The following CTNNA2 variants were observed in gnomAD, a reference collection of about 807,000 sequenced individuals.
CTNNA2 encodes catenin alpha-2.
In CTNNA2, 42 loss-of-function variants were observed where a neutral mutation model predicts 101.0. The observed-to-expected ratio is 0.42, with a 90% confidence interval of 0.32 to 0.54. The LOEUF (loss-of-function observed/expected upper bound fraction) is 0.54, where lower values mean the gene tolerates loss of function less well. CTNNA2 is among the 20% of genes least tolerant of loss of function. The probability of loss-of-function intolerance (pLI) is 0.14; values close to 1 mark genes in which losing one functional copy is unlikely to be tolerated. For synonymous variants in CTNNA2, 450 were observed against 456.4 expected, an observed-to-expected ratio of 0.99 and a Z score of 0.18; for missense variants, 871 against 1,223.1, an observed-to-expected ratio of 0.71 and a Z score of 4.29.
At chr2:79,983,500 G>T (rs1691538376) in intron 7 of CTNNA2, among the ~76,000 whole-genome samples, 1 of 152,126 alleles carries the variant, frequency 6.6e-6, no homozygotes, top group South Asian at 2.1e-4. Flanking sequence ...AGAGAACTTG[G>T]TAATTAGAAG....
chr2:80,216,886 G>C (rs1452357142), intron 7 of CTNNA2, among the ~76,000 whole-genome samples: 2 of 143,744 alleles, frequency 1.4e-5, no homozygotes, highest in African/African-American at 2.6e-5. Flanking sequence ...CACCCAGGCT[G>C]TAGTGCAGTA....
At chr2:79,519,662 TCTG>T (rs991461517) in intron 1 of CTNNA2, among the ~76,000 whole-genome samples, 6 of 152,226 alleles carry the variant, frequency 3.9e-5, no homozygotes, top group African/African-American at 1.4e-4. Context: ...AACATAAACT[TCTG>T]CTGCATAAGG....
At chr2:80,045,358 C>T (rs1432691920) in intron 7 of CTNNA2, among the ~76,000 whole-genome samples, 2 of 152,246 alleles carry the variant, frequency 1.3e-5, no homozygotes, top group Admixed American at 6.5e-5. Context: ...TTTCTACTAT[C>T]TTTTTAAATT....
At chr2:80,382,595 G>C (rs1676618565) in intron 7 of CTNNA2, among the ~76,000 whole-genome samples, 1 of 152,196 alleles carries the variant, frequency 6.6e-6, no homozygotes, top group Admixed American at 6.5e-5. Flanking sequence ...GGCAGGGAAG[G>C]GGTGATGGAG....
At chr2:79,769,559 G>A (rs560303897) in intron 3 of CTNNA2, among the ~76,000 whole-genome samples, 1 of 152,256 alleles carries the variant, frequency 6.6e-6, no homozygotes, top group East Asian at 1.9e-4. Context: ...TTAGCCCTTA[G>A]TAAAGATTAA....
chr2:80,092,693 G>A (rs1163508814), intron 7 of CTNNA2, among the ~76,000 whole-genome samples: 3 of 150,584 alleles, frequency 2.0e-5, no homozygotes, highest in African/African-American at 7.3e-5. Context: ...CAATAGTCTG[G>A]GAAACAGTAG....
At chr2:79,291,032 C>T (rs953237624) in intron 2 of CTNNA2, among the ~76,000 whole-genome samples, 3 of 152,148 alleles carry the variant, frequency 2.0e-5, no homozygotes, top group Admixed American at 1.3e-4. Flanking sequence ...CAGAACCCCA[C>T]GACCTGCCTG....
chr2:80,488,701 T>C (rs144704610), intron 9 of CTNNA2, among the ~76,000 whole-genome samples: 1,682 of 152,332 alleles, frequency 0.011, 13 homozygotes, highest in Middle Eastern at 0.041. Flanking sequence ...GCATGTTACA[T>C]GTCCACTGAC....
intron 3 of CTNNA2, among the ~76,000 whole-genome samples, chr2:79,836,628 C>T (rs1679384542): frequency 6.6e-6 from 1 of 152,254 alleles, no homozygotes; most frequent in Middle Eastern, 3.4e-3. Flanking sequence ...GGGAATAATC[C>T]CTCCTTGCTT....
At chr2:80,510,418 A>C (rs1390861099) in intron 9 of CTNNA2, among the ~76,000 whole-genome samples, 1 of 152,174 alleles carries the variant, frequency 6.6e-6, no homozygotes, top group African/African-American at 2.4e-5. Context: ...AACTGAGACC[A>C]TCTTGCACCT....
intron 17 of CTNNA2, chr2:80,613,065 A>AGAAAT (rs1206916906): frequency 1.1e-5 from 1 of 92,436 alleles, no homozygotes; most frequent in East Asian, 3.5e-4. Context: ...AGAAATTGTG[A>AGAAAT]CAAATGAAAT....
chr2:79,914,804 T>C (rs888006490), intron 7 of CTNNA2, among the ~76,000 whole-genome samples: 3 of 152,152 alleles, frequency 2.0e-5, no homozygotes, highest in African/African-American at 7.2e-5. Flanking sequence ...TCTTGAAGCA[T>C]CTAAGTGGAT....
intron 7 of CTNNA2, among the ~76,000 whole-genome samples, chr2:80,161,241 C>T (rs1704298892): frequency 6.6e-6 from 1 of 152,144 alleles, no homozygotes; most frequent in Non-Finnish European, 1.5e-5. Context: ...GTCTCAAACT[C>T]CTAATTTCAG....
intron 7 of CTNNA2, among the ~76,000 whole-genome samples, chr2:79,983,247 T>C (rs1383787496): frequency 2.0e-5 from 3 of 150,486 alleles, no homozygotes; most frequent in Admixed American, 2.0e-4. Context: ...AATAAATTTT[T>C]ATAGTTTAAC....
chr2:79,764,812 C>T (rs1324542452), intron 3 of CTNNA2, among the ~76,000 whole-genome samples: 1 of 152,036 alleles, frequency 6.6e-6, no homozygotes, highest in African/African-American at 2.4e-5. Flanking sequence ...AGAATGTGGG[C>T]CCAGGGAGTA....
At chr2:80,539,311 CTTT>C (rs763178918) in intron 9 of CTNNA2, among the ~76,000 whole-genome samples, 2 of 110,350 alleles carry the variant, frequency 1.8e-5, no homozygotes, top group East Asian at 2.2e-4. Flanking sequence ...GCTCTCCTTG[CTTT>C]TTTTTTTTTG....
intron 3 of CTNNA2, among the ~76,000 whole-genome samples, chr2:79,839,946 A>G (rs1679677930): frequency 1.3e-5 from 2 of 152,128 alleles, no homozygotes; most frequent in Non-Finnish European, 2.9e-5. Flanking sequence ...TATTTGTGAG[A>G]GTCCTGTGCT....
intron 2 of CTNNA2, among the ~76,000 whole-genome samples, chr2:79,245,844 T>G (rs1488739130): frequency 2.0e-5 from 3 of 152,194 alleles, no homozygotes; most frequent in Non-Finnish European, 4.4e-5. Context: ...CTTGAGACCC[T>G]GTCCCTGTAT....
At chr2:79,539,847 G>A (rs1324897145) in intron 1 of CTNNA2, among the ~76,000 whole-genome samples, 1 of 152,108 alleles carries the variant, frequency 6.6e-6, no homozygotes, top group Non-Finnish European at 1.5e-5. Flanking sequence ...TCTTTACCTG[G>A]TTAATGACAG....
Sources: allele counts gnomAD v4.1 joint callset (sites outside exome capture counted in the v4.1 genomes callset), GRCh38; gene constraint gnomAD v4.1.1; transcripts MANE v1.5; gene names NCBI Gene and HGNC (gene_info 2026-07-23, HGNC 2026-07-21).